The following PAK2 variants were observed in gnomAD, a reference collection of about 807,000 sequenced individuals.
PAK2 encodes p21 (RAC1) activated kinase 2.
PAK2 carries 21 observed loss-of-function variants against 65.9 expected under a neutral mutation model. That is an observed-to-expected ratio of 0.32 (90% CI 0.23 to 0.46). The LOEUF (loss-of-function observed/expected upper bound fraction) is 0.46. Ranked by LOEUF, PAK2 falls within the 20% of genes least tolerant of loss-of-function variation. The pLI, the probability that PAK2 is intolerant of heterozygous loss-of-function variation, is 1.00. For missense variants in PAK2, 324 were observed against 642.6 expected (o/e 0.50, Z 5.36); for synonymous variants, 204 against 219.7 (o/e 0.93, Z 0.63).
chr3:196,778,526 A>G (rs1269654470), intron 1 of PAK2, among the ~76,000 whole-genome samples: 1 of 152,188 alleles, frequency 6.6e-6, no homozygotes, highest in African/African-American at 2.4e-5. Flanking sequence ...AATTGCACAG[A>G]TAGTAGATTT....
At chr3:196,802,907 C>T (rs913304317) in intron 3 of PAK2, 110 bp from the exon 4 acceptor site, 4 of 655,430 alleles carry the variant, frequency 6.1e-6, no homozygotes, top group African/African-American at 1.9e-5. Flanking sequence ...TTTACTCAAA[C>T]CTACACTCAA....
chr3:196,819,503 G>A (rs10446496), intron 12 of PAK2, among the ~76,000 whole-genome samples: 62,320 of 151,918 alleles, frequency 0.41, 13,818 homozygotes, highest in African/African-American at 0.58. Context: ...AAGATCTCAA[G>A]AAATGGTTTT....
At position 196,802,135 on chromosome 3, in the gene PAK2, A is replaced by T; in HGVS notation, c.288+108A>T. 9.8e-6 allele frequency: 7 copies of T among 711,136 alleles called. 1 individual carries two copies. The highest frequency in any genetic ancestry group is 1.8e-5 in the Non-Finnish European group (7 of 394,760). The allele number at this position is 711,136 out of a possible 1,614,324, so 44.1% of individuals were successfully genotyped here. A position where few individuals can be genotyped will look rare whatever the true frequency, so the allele number is the denominator to read the frequency against. ...CATTTCAGGCCAGGTGCGGTGGCAC[A>T]CGCCTGTAATCCCAGCACTTTGGGA... On this transcript the variant is annotated intron_variant, in intron 3 of 14. Coordinates refer to ENST00000327134, the MANE Select transcript of PAK2 (RefSeq NM_002577.4).
intron 12 of PAK2, among the ~76,000 whole-genome samples, chr3:196,819,672 A>G (rs999367004): frequency 3.3e-5 from 5 of 152,190 alleles, no homozygotes. Flanking sequence ...AGTATAAGAA[A>G]GAATTCTAAA....
chr3:196,811,375 T>TCCCTC (rs1577740688), intron 8 of PAK2, among the ~76,000 whole-genome samples: 1 of 29,476 alleles, frequency 3.4e-5, no homozygotes, highest in Non-Finnish European at 6.9e-5. Context: ...TTCCTTCTCT[T>TCCCTC]CCTTCCTTCC....
At chr3:196,795,858 C>T (rs982476338) in intron 2 of PAK2, among the ~76,000 whole-genome samples, 1 of 152,186 alleles carries the variant, frequency 6.6e-6, no homozygotes, top group Non-Finnish European at 1.5e-5. Context: ...GGATGTGGCA[C>T]CTCCGTGGTT....
intron 1 of PAK2, among the ~76,000 whole-genome samples, chr3:196,771,685 A>G (rs1714364822): frequency 1.3e-5 from 2 of 152,068 alleles, no homozygotes; most frequent in African/African-American, 4.8e-5. Context: ...CAGCCTCCTG[A>G]GTAGCTGGGA....
chr3:196,745,282 A>ATTTTTTTTTTT (rs34194625), intron 1 of PAK2, among the ~76,000 whole-genome samples: 1 of 92,774 alleles, frequency 1.1e-5, no homozygotes, highest in Non-Finnish European at 2.1e-5. Context: ...CACCCAACTG[A>ATTTTTTTTTTT]TTTTTTTTTT....
chr3:196,789,621 C>T (rs1715003213), intron 2 of PAK2, among the ~76,000 whole-genome samples: 1 of 152,048 alleles, frequency 6.6e-6, no homozygotes, highest in Non-Finnish European at 1.5e-5. Context: ...CGCCACCACG[C>T]CCAGCTAATT....
chr3:196,827,894 C>A (rs111574627), intron 14 of PAK2, among the ~76,000 whole-genome samples: 2 of 115,898 alleles, frequency 1.7e-5, no homozygotes, highest in African/African-American at 6.8e-5. Context: ...GTTTGTGCAT[C>A]GTATCAATCC....
intron 1 of PAK2, among the ~76,000 whole-genome samples, chr3:196,776,037 A>G (rs774300632): frequency 1.3e-5 from 2 of 152,202 alleles, no homozygotes; most frequent in Non-Finnish European, 2.9e-5. Context: ...AAGATGGAGT[A>G]CGCTTTAAAG....
chr3:196,823,046 C>T (rs1306981884), intron 13 of PAK2, among the ~76,000 whole-genome samples: 1 of 152,088 alleles, frequency 6.6e-6, no homozygotes, highest in Non-Finnish European at 1.5e-5. Flanking sequence ...GAGATCTGAG[C>T]AGAGAAGCAA....
At chr3:196,764,010 G>T (rs1240360648) in intron 1 of PAK2, among the ~76,000 whole-genome samples, 1 of 147,888 alleles carries the variant, frequency 6.8e-6, no homozygotes, top group Admixed American at 6.8e-5. Context: ...GTTTCACCGT[G>T]TTAGCCAGGA....
intron 1 of PAK2, among the ~76,000 whole-genome samples, chr3:196,775,414 ACT>A (rs945226247): frequency 2.0e-5 from 3 of 151,946 alleles, no homozygotes; most frequent in Non-Finnish European, 4.4e-5. Flanking sequence ...ACGGAATCTC[ACT>A]CTGTGGCCCA....
chr3:196,768,198 C>T (rs1391407155), intron 1 of PAK2, among the ~76,000 whole-genome samples: 1 of 151,984 alleles, frequency 6.6e-6, no homozygotes, highest in East Asian at 1.9e-4. Context: ...ACATCGGATA[C>T]CTGTGGTCCC....
chr3:196,815,744 G>A (rs963538707), intron 11 of PAK2, among the ~76,000 whole-genome samples: 1 of 151,356 alleles, frequency 6.6e-6, no homozygotes, highest in Non-Finnish European at 1.5e-5. Context: ...CCGAGATCGT[G>A]CCACTGCATT....
At chr3:196,761,008 G>A (rs985709601) in intron 1 of PAK2, among the ~76,000 whole-genome samples, 5 of 152,084 alleles carry the variant, frequency 3.3e-5, no homozygotes, top group Non-Finnish European at 7.4e-5. Context: ...AGGCTGAGGC[G>A]GATGGAGATC....
intron 2 of PAK2, among the ~76,000 whole-genome samples, chr3:196,787,209 A>G (rs1356211489): frequency 1.3e-5 from 2 of 152,174 alleles, no homozygotes; most frequent in Non-Finnish European, 1.5e-5. Context: ...GGCTTTTTGC[A>G]TCTTTCTATA....
chr3:196,761,819 G>A (rs1283802024), intron 1 of PAK2, among the ~76,000 whole-genome samples: 1 of 114,278 alleles, frequency 8.8e-6, no homozygotes. Flanking sequence ...TGGGGCGGCT[G>A]GCCGGGCGGG....
Sources: allele counts gnomAD v4.1 joint callset (sites outside exome capture counted in the v4.1 genomes callset), GRCh38; gene constraint gnomAD v4.1.1; transcripts MANE v1.5; gene names NCBI Gene and HGNC (gene_info 2026-07-23, HGNC 2026-07-21).